PRKCB: variants seen among roughly 807,000 people sequenced by gnomAD.
The protein encoded by PRKCB is protein kinase C beta.
A neutral mutation model predicts 81.5 loss-of-function variants in PRKCB; 13 were observed. That is an observed-to-expected ratio of 0.16 (90% CI 0.10 to 0.25). The LOEUF (loss-of-function observed/expected upper bound fraction) is 0.25, where lower values mean the gene tolerates loss of function less well. Among genes scored for constraint, PRKCB ranks in the 10% least tolerant of loss-of-function variants. The probability of loss-of-function intolerance (pLI) is 1.00; values close to 1 mark genes in which losing one functional copy is unlikely to be tolerated. For missense variants in PRKCB, 509 were observed against 875.7 expected (o/e 0.58, Z 5.29); for synonymous variants, 335 against 321.4 (o/e 1.04, Z -0.45).
intron 8 of PRKCB, among the ~76,000 whole-genome samples, chr16:24,114,538 C>T (rs926897959): frequency 2.0e-5 from 3 of 152,002 alleles, no homozygotes; most frequent in African/African-American, 7.2e-5. Context: ...TTTCCTTCTA[C>T]GGGGACAAAT....
At chr16:24,088,745 T>C (rs904343419) in intron 5 of PRKCB, among the ~76,000 whole-genome samples, 5 of 149,756 alleles carry the variant, frequency 3.3e-5, no homozygotes, top group Non-Finnish European at 7.4e-5. Flanking sequence ...AAATTGCTCT[T>C]AAACCACGAG....
intron 2 of PRKCB, among the ~76,000 whole-genome samples, chr16:23,983,806 C>A (rs1218068062): frequency 6.6e-6 from 1 of 151,972 alleles, no homozygotes; most frequent in Non-Finnish European, 1.5e-5. Context: ...GCCTCTGCCT[C>A]CCTGGTTCCA....
chr16:24,180,526 G>A (rs554284674), intron 12 of PRKCB, among the ~76,000 whole-genome samples: 4 of 152,234 alleles, frequency 2.6e-5, no homozygotes, highest in South Asian at 2.1e-4. Flanking sequence ...GTGGATCTCC[G>A]TCTTTTCAGA....
At chr16:23,874,568 C>CTTTTTTTT (rs58560122) in intron 2 of PRKCB, among the ~76,000 whole-genome samples, 4 of 133,048 alleles carry the variant, frequency 3.0e-5, no homozygotes, top group African/African-American at 2.9e-5. Context: ...ATTCTTCTCT[C>CTTTTTTTT]TTTTTTTTTT....
intron 8 of PRKCB, among the ~76,000 whole-genome samples, chr16:24,114,780 A>G (rs1309230975): frequency 2.6e-5 from 4 of 152,158 alleles, no homozygotes; most frequent in African/African-American, 7.2e-5. Flanking sequence ...TAACTCCCCA[A>G]AAATGTATAT....
intron 9 of PRKCB, among the ~76,000 whole-genome samples, chr16:24,124,846 C>T (rs1966839867): frequency 6.6e-6 from 1 of 152,166 alleles, no homozygotes; most frequent in Non-Finnish European, 1.5e-5. Context: ...TGTATTCCCA[C>T]TGTTCCTGGC....
chr16:24,072,155 ACTG>A (rs1467727052), intron 5 of PRKCB, among the ~76,000 whole-genome samples: 1 of 151,916 alleles, frequency 6.6e-6, no homozygotes, highest in African/African-American at 2.4e-5. Flanking sequence ...TGCAACCACC[ACTG>A]CTATTTAGTT....
chr16:24,164,562 C>A (rs1000143444), intron 10 of PRKCB, among the ~76,000 whole-genome samples: 4 of 152,096 alleles, frequency 2.6e-5, no homozygotes, highest in Non-Finnish European at 5.9e-5. Flanking sequence ...TTTGCCTTTC[C>A]GAGCTTTTAA....
rs376463151 is a variant in PRKCB at position 24,193,468 on chromosome 16, T to TAAAA, written c.1863+2241_1863+2242insAAAA. ...TCAAATAAATAAATAAATAAATAAATAAATAAATAAATAAATAAATAAATA... is the reference window on the plus strand; with the variant it reads ...TCAAATAAATAAATAAATAAATAAATAAAAAAATAAATAAATAAATAAATAAATA... On this transcript the variant is annotated intron_variant, in intron 16 of 16. Transcript: ENST00000643927. Among the ~76,000 whole-genome samples, 138 of 103,592 alleles carry TAAAA rather than the reference T, an allele frequency of 1.3e-3. 1 individual carries two copies. Among genetic ancestry groups the TAAAA allele is most frequent in the Non-Finnish European group, 2.0e-3 (96 of 48,974 alleles). 68.0% of individuals were successfully genotyped at this position (103,592 alleles called of 152,430 possible).
At chr16:24,009,178 A>T (rs963143310) in intron 3 of PRKCB, among the ~76,000 whole-genome samples, 8 of 152,166 alleles carry the variant, frequency 5.3e-5, no homozygotes, top group Non-Finnish European at 4.4e-5. Flanking sequence ...ACATTTCTTC[A>T]GGATGTTAAT....
chr16:23,883,238 T>C lies in PRKCB; in HGVS notation c.205+45832T>C, dbSNP rs541772812. 8.1e-4 allele frequency among the ~76,000 whole-genome samples: 124 copies of C among 152,176 alleles called. 2 individuals carry two copies. Among genetic ancestry groups the C allele is most frequent in the African/African-American group, 2.9e-3 (120 of 41,502 alleles). ...TTTGACAACAGAGTGATGTGGTGAGTGGCTACTTTAGATCAGAAAGGCCTT... is the reference window on the plus strand; with the variant it reads ...TTTGACAACAGAGTGATGTGGTGAGCGGCTACTTTAGATCAGAAAGGCCTT... On this transcript the variant is annotated intron_variant, in intron 2 of 16. Transcript: ENST00000643927.
At chr16:24,108,155 T>G (rs2141913294) in intron 7 of PRKCB, among the ~76,000 whole-genome samples, 1 of 148,254 alleles carries the variant, frequency 6.7e-6, no homozygotes, top group Middle Eastern at 3.5e-3. Flanking sequence ...GATTTCCATT[T>G]GTTTATTTTT....
chr16:24,176,399 C>A (rs1967532088), intron 12 of PRKCB, among the ~76,000 whole-genome samples: 1 of 151,852 alleles, frequency 6.6e-6, no homozygotes, highest in Non-Finnish European at 1.5e-5. Flanking sequence ...GGCAACAGAG[C>A]AAGACCATGT....
chr16:23,967,611 T>G (rs1019430647), intron 2 of PRKCB, among the ~76,000 whole-genome samples: 1 of 152,090 alleles, frequency 6.6e-6, no homozygotes, highest in Non-Finnish European at 1.5e-5. Flanking sequence ...TTTTGTGTGG[T>G]GTCTTTTTTT....
intron 5 of PRKCB, among the ~76,000 whole-genome samples, chr16:24,068,363 C>G (rs1966064225): frequency 1.3e-5 from 2 of 152,050 alleles, no homozygotes; most frequent in Non-Finnish European, 2.9e-5. Flanking sequence ...GCTTTGATTC[C>G]TAGCCCCAAG....
chr16:23,929,579 A>G (rs1963943252), intron 2 of PRKCB, among the ~76,000 whole-genome samples: 1 of 152,084 alleles, frequency 6.6e-6, no homozygotes. Context: ...TAACACACTA[A>G]TACTTTCTAC....
chr16:23,860,015 T>C (rs1417325955), intron 2 of PRKCB, among the ~76,000 whole-genome samples: 1 of 152,128 alleles, frequency 6.6e-6, no homozygotes, highest in East Asian at 1.9e-4. Context: ...TTGAGGCCAG[T>C]TGAGAAATCT....
intron 3 of PRKCB, among the ~76,000 whole-genome samples, chr16:24,027,496 A>G (rs746936398): frequency 1.3e-5 from 2 of 152,078 alleles, no homozygotes; most frequent in African/African-American, 2.4e-5. Flanking sequence ...CTAGGACGGC[A>G]CCTCAATCTT....
chr16:24,187,857 T>A (rs558772102), intron 15 of PRKCB, among the ~76,000 whole-genome samples: 22 of 152,340 alleles, frequency 1.4e-4, no homozygotes, highest in Middle Eastern at 3.4e-3. Flanking sequence ...GTGCAAGATC[T>A]TAAGCCACTT....
Sources: gnomAD v4.1 joint callset for allele counts (sites outside exome capture counted in the v4.1 genomes callset) on GRCh38, gnomAD v4.1.1 for gene constraint, MANE v1.5 for transcripts, NCBI Gene and HGNC (gene_info 2026-07-23, HGNC 2026-07-21) for gene names.